The following NPEPPS variants were observed in gnomAD, a reference collection of about 807,000 sequenced individuals.
The protein encoded by NPEPPS is aminopeptidase puromycin sensitive.
Under a neutral mutation model 115.5 loss-of-function variants are expected in NPEPPS, and 14 were observed. That is an observed-to-expected ratio of 0.12 (90% CI 0.08 to 0.19). The LOEUF (loss-of-function observed/expected upper bound fraction) is 0.19. Among genes scored for constraint, NPEPPS ranks in the 10% least tolerant of loss-of-function variants. The pLI is 1.00. For missense variants in NPEPPS, 523 were observed against 1,110.8 expected, an observed-to-expected ratio of 0.47 and a Z score of 7.52; for synonymous variants, 285 against 390.6, an observed-to-expected ratio of 0.73 and a Z score of 3.19.
intron 9 of NPEPPS, among the ~76,000 whole-genome samples, chr17:47,589,892 T>C (rs1211700111): frequency 6.6e-6 from 1 of 152,206 alleles, no homozygotes; most frequent in Non-Finnish European, 1.5e-5. Flanking sequence ...CTGTTTTTGT[T>C]TTTCAGAGAT....
rs371941952 is a variant in NPEPPS at position 47,607,401 on chromosome 17, C to T, written c.2095+1849C>T. Among the ~76,000 whole-genome samples the T allele has an allele frequency of 2.4e-4, 36 of 152,154 alleles. 1 individual carries two copies. The East Asian group carries it at 6.8e-3, about 29-fold the overall frequency. On this transcript the variant is annotated intron_variant, in intron 17 of 22. Coordinates refer to ENST00000322157, the MANE Select transcript of NPEPPS (RefSeq NM_006310.4). ...GAGATGGGAGCATGCTTAGGGTATT[C>T]GAGGAATAACAAGAAAGCTGCTGAG...
chr17:47,595,287 A>G (rs2143891360), intron 12 of NPEPPS, among the ~76,000 whole-genome samples: 1 of 151,434 alleles, frequency 6.6e-6, no homozygotes, highest in East Asian at 2.0e-4. Flanking sequence ...ACTGGTCTTG[A>G]ACTCCAGACC....
intron 13 of NPEPPS, among the ~76,000 whole-genome samples, chr17:47,598,540 A>AG (rs1913010045): frequency 6.6e-6 from 1 of 152,166 alleles, no homozygotes; most frequent in Non-Finnish European, 1.5e-5. Flanking sequence ...TGGGAGGATC[A>AG]CTTGTGTTCT....
At chr17:47,616,410 G>A (rs537680057) in intron 19 of NPEPPS, among the ~76,000 whole-genome samples, 3 of 152,132 alleles carry the variant, frequency 2.0e-5, no homozygotes, top group East Asian at 1.9e-4. Flanking sequence ...TAGGCCAGGC[G>A]CGGTGGCTCA....
intron 1 of NPEPPS, among the ~76,000 whole-genome samples, chr17:47,524,025 G>A (rs1907323557): frequency 6.6e-6 from 1 of 151,282 alleles, no homozygotes; most frequent in Admixed American, 6.6e-5. Context: ...CAGGATTTCG[G>A]CCGAGCGCAG....
At chr17:47,618,902 A>G in intron 20 of NPEPPS, 107 bp from the exon 21 acceptor site, 1 of 990,246 alleles carries the variant, frequency 1.0e-6, no homozygotes, top group South Asian at 1.6e-5. Flanking sequence ...TAAAACAAGG[A>G]ATAAGTGTCT....
intron 12 of NPEPPS, among the ~76,000 whole-genome samples, chr17:47,595,568 T>A (rs2143892415): frequency 6.6e-6 from 1 of 152,294 alleles, no homozygotes; most frequent in Non-Finnish European, 1.5e-5. Flanking sequence ...TTTGGCCAGG[T>A]GTTATGACTC....
At chr17:47,614,697 A>G (rs1914081117) in intron 19 of NPEPPS, among the ~76,000 whole-genome samples, 3 of 152,232 alleles carry the variant, frequency 2.0e-5, no homozygotes. Context: ...CGGTCTATAA[A>G]GAAATGGCTT....
chr17:47,595,936 C>G (rs924041311), intron 12 of NPEPPS: 5 of 137,802 alleles, frequency 3.6e-5, no homozygotes, highest in African/African-American at 1.4e-4. Flanking sequence ...GATCTTAGAT[C>G]ATGGCACTGC....
At chr17:47,538,997 A>G (rs1908550709) in intron 1 of NPEPPS, among the ~76,000 whole-genome samples, 1 of 152,176 alleles carries the variant, frequency 6.6e-6, no homozygotes, top group Admixed American at 6.5e-5. Context: ...TTGGGCTAAA[A>G]AATCAATTGC....
chr17:47,621,753 G>A lies in NPEPPS; in HGVS notation c.2608-15G>A. The A allele has an allele frequency of 6.3e-7, 1 of 1,593,576 alleles. No individual in the cohort carries two copies. Among genetic ancestry groups the A allele is most frequent in the Non-Finnish European group, 8.6e-7 (1 of 1,164,828 alleles). ...TGCTAGTAATGATCCTGCATTCTGG[G>A]TTGTTTTATACCAGGCTTTCTTCGA... On this transcript the variant is annotated splice_polypyrimidine_tract_variant and intron_variant, in intron 22 of 22. Coordinates refer to ENST00000322157, the MANE Select transcript of NPEPPS (RefSeq NM_006310.4).
At chr17:47,544,622 C>G (rs1170928749) in intron 1 of NPEPPS, among the ~76,000 whole-genome samples, 1 of 150,930 alleles carries the variant, frequency 6.6e-6, no homozygotes, top group Non-Finnish European at 1.5e-5. Flanking sequence ...CAATCTCTGC[C>G]TCCCGGGTTT....
At chr17:47,615,681 AT>A (rs1265013708) in intron 19 of NPEPPS, among the ~76,000 whole-genome samples, 1 of 152,152 alleles carries the variant, frequency 6.6e-6, no homozygotes, top group Admixed American at 6.5e-5. Context: ...GGGATATTTG[AT>A]TTTTTTCCAT....
At chr17:47,607,495 A>G (rs1050967494) in intron 17 of NPEPPS, among the ~76,000 whole-genome samples, 2 of 152,240 alleles carry the variant, frequency 1.3e-5, no homozygotes, top group African/African-American at 4.8e-5. Flanking sequence ...TGTTTGCTAC[A>G]GTGAGAAGTT....
At chr17:47,530,762 C>G (rs1265740127), upstream of NPEPPS, among the ~76,000 whole-genome samples, 1 of 152,326 alleles carries the variant, frequency 6.6e-6, no homozygotes, top group African/African-American at 2.4e-5. Context: ...GACCTGGAGG[C>G]AGAATCCAGT....
At chr17:47,558,747 T>A (rs1344509423) in intron 2 of NPEPPS, among the ~76,000 whole-genome samples, 2 of 151,910 alleles carry the variant, frequency 1.3e-5, no homozygotes, top group Non-Finnish European at 2.9e-5. Context: ...TAAGATAGGG[T>A]CTTGCGGCTG....
chr17:47,575,617 A>ATTT (rs1911471791), intron 3 of NPEPPS, among the ~76,000 whole-genome samples: 1 of 141,322 alleles, frequency 7.1e-6, no homozygotes, highest in Non-Finnish European at 1.5e-5. Context: ...TATTATTATT[A>ATTT]TTTTTGAGAT....
At chr17:47,563,470 C>T (rs945960503) in intron 2 of NPEPPS, among the ~76,000 whole-genome samples, 3 of 152,056 alleles carry the variant, frequency 2.0e-5, no homozygotes, top group African/African-American at 7.3e-5. Flanking sequence ...ATTTAAAAGG[C>T]CTAATAAGTA....
chr17:47,622,128 TAAAAAATA>T lies in NPEPPS; in HGVS notation c.*213_*220del. 6.4e-6 allele frequency: 8 copies of T among 1,255,066 alleles called. No homozygotes were observed. The highest frequency in any genetic ancestry group is 1.5e-5 in the African/African-American group (1 of 66,540). 77.7% of individuals were successfully genotyped at this position (1,255,066 alleles called of 1,614,324 possible). On this transcript the variant is annotated 3_prime_UTR_variant, in exon 23 of 23. Coordinates refer to ENST00000322157, the MANE Select transcript of NPEPPS (RefSeq NM_006310.4). ...AATCAGCAATTCAGCAAAAAATAAA[TAAAAAATA>T]AAAATGTAAATATGATAGTAATAAA...
Sources: gnomAD v4.1 joint callset for allele counts (sites outside exome capture counted in the v4.1 genomes callset) on GRCh38, gnomAD v4.1.1 for gene constraint, MANE v1.5 for transcripts, NCBI Gene and HGNC (gene_info 2026-07-23, HGNC 2026-07-21) for gene names.